SLFN12L: variants seen among roughly 807,000 people sequenced by gnomAD.
SLFN12L encodes the protein schlafen family member 12 like, also known as schlafen family member 12-like.
Under a neutral mutation model 34.8 loss-of-function variants are expected in SLFN12L, and 34 were observed. The ratio of observed to expected loss-of-function variants is 0.98; its 90% CI spans 0.74 to 1.30. SLFN12L has a LOEUF of 1.30. Among genes scored for constraint, SLFN12L ranks in the 50% most tolerant of loss-of-function variants. SLFN12L has a pLI of 0.00. For missense variants in SLFN12L, 703 were observed against 696.2 expected (o/e 1.01, Z -0.11); for synonymous variants, 259 against 247.5 (o/e 1.05, Z -0.44).
rs117748555 is a variant in SLFN12L at position 35,497,084 on chromosome 17, C to T, written c.87-16889G>A. Among the ~76,000 whole-genome samples the T allele has an allele frequency of 9.0e-3, 1,374 of 152,190 alleles. 6 individuals are homozygous for T. Among genetic ancestry groups the T allele is most frequent in the Non-Finnish European group, 0.015 (989 of 67,994 alleles). On this transcript the variant is annotated intron_variant, in intron 2 of 4. Coordinates refer to ENST00000628453, the MANE Select transcript of SLFN12L (RefSeq NM_001363830.2). ...GCAGCCTGGGCAACAAAGCTAGACTCCTGTCTCTACAAAAAACAAAACTAG... is the reference window on the plus strand; with the variant it reads ...GCAGCCTGGGCAACAAAGCTAGACTTCTGTCTCTACAAAAAACAAAACTAG...
At chr17:35,518,224 G>C (rs536422137) in intron 2 of SLFN12L, among the ~76,000 whole-genome samples, 53 of 152,268 alleles carry the variant, frequency 3.5e-4, no homozygotes, top group African/African-American at 1.2e-3. Flanking sequence ...CTATCAAAAA[G>C]TGGGCAAAGG....
intron 2 of SLFN12L, among the ~76,000 whole-genome samples, chr17:35,507,700 T>C (rs1915509165): frequency 6.6e-6 from 1 of 152,230 alleles, no homozygotes; most frequent in Non-Finnish European, 1.5e-5. Flanking sequence ...GGAGTTATAA[T>C]AGTAATAGAA....
chr17:35,530,538 A>AAAAGAAAAGAAAAG (rs1567694843), intron 1 of SLFN12L, among the ~76,000 whole-genome samples: 2 of 23,266 alleles, frequency 8.6e-5, no homozygotes, highest in African/African-American at 1.9e-4. Flanking sequence ...AAAAGAAAAG[A>AAAAGAAAAGAAAAG]AAAGAAAGAA....
intron 2 of SLFN12L, among the ~76,000 whole-genome samples, chr17:35,481,013 A>AT (rs1269324599): frequency 2.0e-5 from 3 of 152,216 alleles, no homozygotes; most frequent in Non-Finnish European, 4.4e-5. Flanking sequence ...TTCTACAATT[A>AT]TAACCTAGAA....
At position 35,487,624 on chromosome 17, in the gene SLFN12L, G is replaced by T. The variant is rs1246675715; in HGVS notation, c.87-7429C>A. 3.9e-6 allele frequency: 5 copies of T among 1,266,066 alleles called. No individual in the cohort carries two copies. The East Asian group carries it at 7.6e-5, about 19-fold the overall frequency. 78.4% of individuals were successfully genotyped at this position (1,266,066 alleles called of 1,614,324 possible). A position where few individuals can be genotyped will look rare whatever the true frequency, so the allele number is the denominator to read the frequency against. On this transcript the variant is annotated intron_variant, in intron 2 of 4. Transcript: ENST00000628453. ...AAGCAACTGAAAGTTAAACGCCCAC[G>T]TGAATAGCTCTGAGGGATCACGGAG... is the stretch of plus-strand genomic sequence containing the variant.
chr17:35,526,274 C>T (rs1323204912), intron 1 of SLFN12L, among the ~76,000 whole-genome samples: 1 of 152,128 alleles, frequency 6.6e-6, no homozygotes, highest in Non-Finnish European at 1.5e-5. Flanking sequence ...CTTTAACACT[C>T]TACAGTCAAT....
rs183926340 is a variant in SLFN12L, at chr17:35,530,229, C to T, written c.-605-7260G>A. ...AGGCGTGGTGGCAGGCACCTGTAGT[C>T]CTAGCTACTCGGGAGGCTGAGGCAG... On this transcript the variant is annotated intron_variant, in intron 1 of 4. Coordinates refer to ENST00000628453, the MANE Select transcript of SLFN12L (RefSeq NM_001363830.2). Among the ~76,000 whole-genome samples, 597 of 148,014 alleles carry T rather than the reference C, an allele frequency of 4.0e-3. 5 individuals carry two copies. The highest frequency in any genetic ancestry group is 0.014 in the African/African-American group (575 of 40,186).
At chr17:35,515,595 C>G (rs115115306) in intron 2 of SLFN12L, among the ~76,000 whole-genome samples, 1 of 147,962 alleles carries the variant, frequency 6.8e-6, no homozygotes, top group Non-Finnish European at 1.5e-5. Flanking sequence ...CAGCCTTCTG[C>G]GTAGCTGGGA....
At chr17:35,525,252 T>TGAG (rs1166054955) in intron 1 of SLFN12L, among the ~76,000 whole-genome samples, 3 of 152,104 alleles carry the variant, frequency 2.0e-5, no homozygotes, top group African/African-American at 7.2e-5. Context: ...ATGAAAGTGA[T>TGAG]GAGGAGAATG....
intron 2 of SLFN12L, among the ~76,000 whole-genome samples, chr17:35,517,704 T>A (rs1214286696): frequency 6.6e-6 from 1 of 152,080 alleles, no homozygotes; most frequent in Non-Finnish European, 1.5e-5. Flanking sequence ...AACAGATACA[T>A]CAACCAATGA....
intron 2 of SLFN12L, among the ~76,000 whole-genome samples, chr17:35,491,836 CAAG>C (rs1389035703): frequency 1.3e-5 from 2 of 152,226 alleles, no homozygotes; most frequent in Non-Finnish European, 2.9e-5. Context: ...AGTAGGAGGT[CAAG>C]AAGATCTCCA....
intron 1 of SLFN12L, among the ~76,000 whole-genome samples, chr17:35,529,728 A>G (rs977098959): frequency 6.6e-6 from 1 of 152,066 alleles, no homozygotes; most frequent in Admixed American, 6.6e-5. Flanking sequence ...CAACATTAGG[A>G]GAAATACCTA....
chr17:35,489,070 A>AAAAAC (rs1181881224), intron 2 of SLFN12L, among the ~76,000 whole-genome samples: 16 of 151,822 alleles, frequency 1.1e-4, no homozygotes, highest in African/African-American at 2.4e-5. Context: ...ACTTTGCCTC[A>AAAAAC]AAAACAAAAC....
rs1453995821 is a variant in SLFN12L at position 35,467,101 on chromosome 17, G to A, written c.*7822C>T. 6.6e-6 allele frequency among the ~76,000 whole-genome samples: 1 copy of A among 152,172 alleles called. No homozygotes were observed. The highest frequency in any genetic ancestry group is 2.4e-5 in the African/African-American group (1 of 41,438). ...TGACGTCCCCAGTCCTTGGTCCCTT[G>A]CCAGATGCCATAGTGCTGGAGGAGG... On this transcript the variant is annotated 3_prime_UTR_variant, in exon 5 of 5. Transcript: ENST00000628453.
intron 2 of SLFN12L, among the ~76,000 whole-genome samples, chr17:35,480,872 T>A (rs1597834553): frequency 6.6e-6 from 1 of 152,176 alleles, no homozygotes; most frequent in Non-Finnish European, 1.5e-5. Flanking sequence ...GCACAAGCTC[T>A]TCCAGTATAA....
At chr17:35,485,881 T>C (rs1000303145) in intron 2 of SLFN12L, among the ~76,000 whole-genome samples, 2 of 152,176 alleles carry the variant, frequency 1.3e-5, no homozygotes, top group Admixed American at 6.5e-5. Flanking sequence ...CAGTACTATG[T>C]TTTGGTTACT....
At chr17:35,476,868 T>A (rs533803616) in intron 4 of SLFN12L, among the ~76,000 whole-genome samples, 1 of 150,744 alleles carries the variant, frequency 6.6e-6, no homozygotes, top group South Asian at 2.1e-4. Context: ...CATAATACTA[T>A]ACAAAATTAA....
chr17:35,480,322 A>AT (rs1914277628), intron 2 of SLFN12L, 127 bp from the exon 3 acceptor site: 1 of 635,056 alleles, frequency 1.6e-6, no homozygotes, highest in East Asian at 3.1e-5. Context: ...TGGGTCTGAG[A>AT]TAACTAATTT....
intron 2 of SLFN12L, chr17:35,491,157 C>G (rs1187281260): frequency 1.2e-6 from 1 of 812,688 alleles, no homozygotes; most frequent in African/African-American, 1.7e-5. Flanking sequence ...TCCTGAGCCT[C>G]GGGGAGGAGG....
Sources: allele counts gnomAD v4.1 joint callset (sites outside exome capture counted in the v4.1 genomes callset), GRCh38; gene constraint gnomAD v4.1.1; transcripts MANE v1.5; gene names NCBI Gene and HGNC (gene_info 2026-07-23, HGNC 2026-07-21).